FBXO31: variants seen among roughly 807,000 people sequenced by gnomAD.
The protein encoded by FBXO31 is F-box protein 31, also known as F-box only protein 31.
In FBXO31, 24 loss-of-function variants were observed where a neutral mutation model predicts 54.4. That is an observed-to-expected ratio of 0.44 (90% CI 0.32 to 0.62). The LOEUF (loss-of-function observed/expected upper bound fraction) is 0.62, where lower values mean the gene tolerates loss of function less well. Among genes scored for constraint, FBXO31 ranks in the 20% least tolerant of loss-of-function variants. The pLI is 0.05. For missense variants in FBXO31, 665 were observed against 787.1 expected (o/e 0.84, Z 1.86); for synonymous variants, 388 against 335.6 (o/e 1.16, Z -1.71).
At chr16:87,361,193 C>A (rs1906116033) in intron 1 of FBXO31, among the ~76,000 whole-genome samples, 1 of 152,232 alleles carries the variant, frequency 6.6e-6, no homozygotes, top group South Asian at 2.1e-4. Context: ...CCATGCCAAG[C>A]CATGCTGGGC....
chr16:87,333,816 G>T, intron 8 of FBXO31, 70 bp downstream of exon 8: 1 of 1,506,034 alleles, frequency 6.6e-7, no homozygotes, highest in South Asian at 1.3e-5. Flanking sequence ...TGTGCTAGGT[G>T]TGGGGCTGGG....
chr16:87,345,425 G>T lies in FBXO31; in HGVS notation c.490-1660C>A, dbSNP rs933614370. Among the ~76,000 whole-genome samples, 3 of 152,112 alleles carry T rather than the reference G, an allele frequency of 2.0e-5. No individual in the cohort carries two copies. The highest frequency in any genetic ancestry group is 4.4e-5 in the Non-Finnish European group (3 of 68,016). Reference sequence around the variant, plus strand: ...CAGACACTGGCACCACGCAGAGCCCGCAGAGCACCACCTCCTCACCCCACA... The same window carrying T: ...CAGACACTGGCACCACGCAGAGCCCTCAGAGCACCACCTCCTCACCCCACA... On this transcript the variant is annotated intron_variant, in intron 3 of 8. Transcript: ENST00000311635. The surrounding 1 kb of genome is among the most constrained non-coding windows in gnomAD (Gnocchi z 4.9).
At chr16:87,388,254 T>TA (rs1438683586), upstream of FBXO31, among the ~76,000 whole-genome samples, 2 of 152,236 alleles carry the variant, frequency 1.3e-5, no homozygotes, top group East Asian at 3.8e-4. Flanking sequence ...ACACTGAACA[T>TA]ACAGCCTGCT....
At chr16:87,382,940 C>T (rs1741485054) in intron 1 of FBXO31, among the ~76,000 whole-genome samples, 1 of 152,110 alleles carries the variant, frequency 6.6e-6, no homozygotes, top group Admixed American at 6.5e-5. Flanking sequence ...GGCCTGCTCC[C>T]ATTTCTTCAA....
chr16:87,383,364 A>ACCCCCCCCCCCCCCCCCCCCCCCCCCCC lies in FBXO31; in HGVS notation c.340+40_340+41insGGGGGGGGGGGGGGGGGGGGGGGGGGGG. 12 of 1,329,434 alleles carry ACCCCCCCCCCCCCCCCCCCCCCCCCCCC rather than the reference A, an allele frequency of 9.0e-6. No individual in the cohort carries two copies. Among genetic ancestry groups the ACCCCCCCCCCCCCCCCCCCCCCCCCCCC allele is most frequent in the Non-Finnish European group, 1.2e-5 (12 of 975,766 alleles). The allele number at this position is 1,329,434 out of a possible 1,614,324, so 82.4% of individuals were successfully genotyped here. Reference sequence around the variant, plus strand: ...GCTCCGAGGCCTCCACCTGGCAGGGACCCCCCGCCCCTCCCGGCCCCGCCA... The same window carrying ACCCCCCCCCCCCCCCCCCCCCCCCCCCC: ...GCTCCGAGGCCTCCACCTGGCAGGGACCCCCCCCCCCCCCCCCCCCCCCCCCCCCCCCCCGCCCCTCCCGGCCCCGCCA... On this transcript the variant is annotated intron_variant, in intron 1 of 8. Coordinates refer to ENST00000311635, the MANE Select transcript of FBXO31 (RefSeq NM_024735.5). The surrounding 1 kb of genome is among the most constrained non-coding windows in gnomAD (Gnocchi z 4.9).
At chr16:87,365,052 C>T (rs1244308057) in intron 1 of FBXO31, among the ~76,000 whole-genome samples, 2 of 65,808 alleles carry the variant, frequency 3.0e-5, no homozygotes. Context: ...AGGCAGGCCA[C>T]CCAATAATTA....
At chr16:87,363,326 G>C (rs1906216456) in intron 1 of FBXO31, among the ~76,000 whole-genome samples, 1 of 152,202 alleles carries the variant, frequency 6.6e-6, no homozygotes, top group Non-Finnish European at 1.5e-5. Context: ...AGAGGTGGCA[G>C]TGAGCCAAGA....
chr16:87,340,324 GT>G (rs1490329732), intron 5 of FBXO31, among the ~76,000 whole-genome samples: 2 of 152,200 alleles, frequency 1.3e-5, no homozygotes. Flanking sequence ...GAATAGTGTG[GT>G]ACTGACATGT....
intron 1 of FBXO31, among the ~76,000 whole-genome samples, chr16:87,370,513 G>T (rs1906553662): frequency 6.6e-6 from 1 of 152,250 alleles, no homozygotes; most frequent in African/African-American, 2.4e-5. Context: ...CAGCACTGCA[G>T]AGTTCAGCTG....
At chr16:87,387,219 C>T (rs911985357), upstream of FBXO31, among the ~76,000 whole-genome samples, 2 of 152,234 alleles carry the variant, frequency 1.3e-5, no homozygotes, top group South Asian at 4.1e-4. Flanking sequence ...AAGACAGTGC[C>T]AGCAGAAAAC....
rs370678511 is a variant in FBXO31, at chr16:87,328,095, G to A, written c.*3193C>T. The A allele has an allele frequency of 1.1e-4, 16 of 152,250 alleles. No individual in the cohort carries two copies. Among genetic ancestry groups the A allele is most frequent in the African/African-American group, 1.2e-4 (5 of 41,452 alleles). 9.4% of individuals were successfully genotyped at this position (152,250 alleles called of 1,614,324 possible). A position where few individuals can be genotyped will look rare whatever the true frequency, so the allele number is the denominator to read the frequency against. ...TCTGCTGCTGTCCGTGACTGCCCACGAGCACTGAAAATGGCCTAACCGTGT... is the reference window on the plus strand; with the variant it reads ...TCTGCTGCTGTCCGTGACTGCCCACAAGCACTGAAAATGGCCTAACCGTGT... On this transcript the variant is annotated 3_prime_UTR_variant, in exon 9 of 9. Coordinates refer to ENST00000311635, the MANE Select transcript of FBXO31 (RefSeq NM_024735.5).
intron 2 of FBXO31, among the ~76,000 whole-genome samples, chr16:87,351,554 A>G (rs1801345944): frequency 6.6e-6 from 1 of 152,122 alleles, no homozygotes; most frequent in South Asian, 2.1e-4. Flanking sequence ...CTGCCACATT[A>G]TCTTCCCATA....
chr16:87,333,847 T>C (rs759843459), intron 8 of FBXO31, 39 bp downstream of exon 8: 1 of 1,550,296 alleles, frequency 6.5e-7, no homozygotes, highest in South Asian at 1.2e-5. Flanking sequence ...AAGCCCATGC[T>C]GTCCCACCTT....
intron 2 of FBXO31, among the ~76,000 whole-genome samples, chr16:87,354,005 T>A (rs561452738): frequency 3.3e-5 from 5 of 152,228 alleles, no homozygotes; most frequent in African/African-American, 7.2e-5. Context: ...AGCTACATAA[T>A]GGGATTCTGC....
At position 87,336,005 on chromosome 16, in the gene FBXO31, G is replaced by A; in HGVS notation, c.842+150C>T. The A allele has an allele frequency of 1.6e-6, 1 of 614,094 alleles. No homozygotes were observed. The highest frequency in any genetic ancestry group is 2.9e-6 in the Non-Finnish European group (1 of 350,552). 38.0% of individuals were successfully genotyped at this position (614,094 alleles called of 1,614,324 possible). ...GCTCCAAGCACCCAGAGAGAGAGGGGCTGTACTCCCAGCCCCCAGCAGGAG... is the reference window on the plus strand; with the variant it reads ...GCTCCAAGCACCCAGAGAGAGAGGGACTGTACTCCCAGCCCCCAGCAGGAG... On this transcript the variant is annotated intron_variant, in intron 6 of 8. Coordinates refer to ENST00000311635, the MANE Select transcript of FBXO31 (RefSeq NM_024735.5). This position sits in a 1 kb window ranked among gnomAD's most constrained non-coding sequence, Gnocchi z 6.5.
rs751826177 is a variant in FBXO31, at chr16:87,347,235, C to G, written c.428G>C (p.Arg143Thr). 1 of 1,614,108 alleles carries G rather than the reference C, an allele frequency of 6.2e-7. No individual in the cohort carries two copies. Among genetic ancestry groups the G allele is most frequent in the Admixed American group, 1.7e-5 (1 of 60,026 alleles). Residue 143 changes from arginine to threonine, a missense_variant, in exon 3 of 9, where the codon AGA (arginine) becomes ACA (threonine). Around this residue, in one of 4 missense-constraint regions of FBXO31, gnomAD observed 234 missense variants for 346.8 expected, o/e 0.67. Coordinates refer to ENST00000311635, the MANE Select transcript of FBXO31 (RefSeq NM_024735.5). ...TGGCTGCCACAATCCCAAAATGTGTCTATATCGGTGAAGCACTACAGGAGG... is the reference window on the plus strand; with the variant it reads ...TGGCTGCCACAATCCCAAAATGTGTGTATATCGGTGAAGCACTACAGGAGG... ...DVYAKLLHRY[R>T]HILGLWQPDI... is the part of the protein sequence containing the mutation.
At chr16:87,378,225 G>T (rs1343407041) in intron 1 of FBXO31, among the ~76,000 whole-genome samples, 1 of 149,708 alleles carries the variant, frequency 6.7e-6, no homozygotes, top group Non-Finnish European at 1.5e-5. Flanking sequence ...ACAAATCAAA[G>T]AAAGGAAAAA....
At chr16:87,349,709 GAAAA>G (rs59578146) in intron 2 of FBXO31, among the ~76,000 whole-genome samples, 1 of 135,274 alleles carries the variant, frequency 7.4e-6, no homozygotes, top group African/African-American at 2.7e-5. Context: ...GACTCCATCT[GAAAA>G]AAAAAAAAAA....
chr16:87,333,110 T>G (rs1396251295), intron 8 of FBXO31, among the ~76,000 whole-genome samples: 2 of 152,240 alleles, frequency 1.3e-5, no homozygotes, highest in Non-Finnish European at 2.9e-5. Flanking sequence ...GGGCAGGGCC[T>G]TGTTCATCTA....
Sources: gnomAD v4.1 joint callset for allele counts (sites outside exome capture counted in the v4.1 genomes callset) on GRCh38, gnomAD v4.1.1 for gene constraint, gnomAD v4.1.1 regional missense constraint, Gnocchi (gnomAD v3.1) non-coding constraint, MANE v1.5 for transcripts, NCBI Gene and HGNC (gene_info 2026-07-23, HGNC 2026-07-21) for gene names.